Variants in ANKIB1 observed in about 807,000 individuals in gnomAD.
ANKIB1 encodes ankyrin repeat and IBR domain containing 1, also known as ankyrin repeat and IBR domain-containing protein 1.
ANKIB1 carries 43 observed loss-of-function variants against 122.1 expected under a neutral mutation model. That is an observed-to-expected ratio of 0.35 (90% CI 0.28 to 0.45). The LOEUF (loss-of-function observed/expected upper bound fraction) is 0.45. Ranked by LOEUF, ANKIB1 falls within the 20% of genes least tolerant of loss-of-function variation. The pLI is 1.00. For missense variants in ANKIB1, 992 were observed against 1,329.5 expected (o/e 0.75, Z 3.95); for synonymous variants, 390 against 442.0 (o/e 0.88, Z 1.48).
At chr7:92,294,214 C>G (rs1055255587) in intron 1 of ANKIB1, among the ~76,000 whole-genome samples, 1 of 152,154 alleles carries the variant, frequency 6.6e-6, no homozygotes, top group Non-Finnish European at 1.5e-5. Context: ...ACATAGTATG[C>G]ATAAACATTT....
At chr7:92,266,346 A>C (rs1024502796) in intron 1 of ANKIB1, among the ~76,000 whole-genome samples, 2 of 152,176 alleles carry the variant, frequency 1.3e-5, no homozygotes, top group African/African-American at 4.8e-5. Flanking sequence ...ATAACAGGAG[A>C]TTACCTACTG....
chr7:92,366,123 T>C (rs1029572809), intron 10 of ANKIB1, among the ~76,000 whole-genome samples: 12 of 152,114 alleles, frequency 7.9e-5, no homozygotes, highest in Non-Finnish European at 1.8e-4. Flanking sequence ...CCTAAAAGAT[T>C]TAATACACCA....
intron 1 of ANKIB1, among the ~76,000 whole-genome samples, chr7:92,285,394 T>C (rs1200412439): frequency 6.6e-6 from 1 of 152,240 alleles, no homozygotes; most frequent in African/African-American, 2.4e-5. Context: ...TATAAACATT[T>C]TTCATATAGA....
intron 11 of ANKIB1, among the ~76,000 whole-genome samples, chr7:92,383,472 C>T (rs1332013417): frequency 6.6e-6 from 1 of 152,192 alleles, no homozygotes; most frequent in African/African-American, 2.4e-5. Flanking sequence ...CCCTGATGAA[C>T]ATTGATGCAA....
chr7:92,315,101 A>G (rs1802768124), intron 3 of ANKIB1, among the ~76,000 whole-genome samples: 1 of 152,204 alleles, frequency 6.6e-6, no homozygotes, highest in Admixed American at 6.5e-5. Flanking sequence ...TACATTCTCT[A>G]TACCTGCTAT....
chr7:92,256,947 T>C (rs1312402858), intron 1 of ANKIB1, among the ~76,000 whole-genome samples: 1 of 152,182 alleles, frequency 6.6e-6, no homozygotes. Flanking sequence ...CCTGGCACTT[T>C]GAGAGGCCGA....
intron 1 of ANKIB1, among the ~76,000 whole-genome samples, chr7:92,257,499 A>C (rs951135369): frequency 2.6e-5 from 4 of 152,224 alleles, no homozygotes; most frequent in African/African-American, 9.7e-5. Context: ...TTATAAAAAT[A>C]AAGATTACTG....
intron 14 of ANKIB1, among the ~76,000 whole-genome samples, chr7:92,389,719 T>C (rs1377461249): frequency 2.0e-5 from 3 of 152,292 alleles, no homozygotes; most frequent in Non-Finnish European, 2.9e-5. Flanking sequence ...GTGCATTCCT[T>C]TATGACTACC....
intron 7 of ANKIB1, chr7:92,348,121 C>G (rs1803579672): frequency 3.2e-6 from 1 of 313,864 alleles, no homozygotes; most frequent in South Asian, 2.8e-5. Context: ...AATAATATGG[C>G]CAACAGAACT....
At chr7:92,260,963 G>A (rs891962908) in intron 1 of ANKIB1, among the ~76,000 whole-genome samples, 3 of 152,080 alleles carry the variant, frequency 2.0e-5, no homozygotes, top group African/African-American at 4.8e-5. Context: ...TAACTCTAGC[G>A]TAGACTACCA....
intron 1 of ANKIB1, among the ~76,000 whole-genome samples, chr7:92,289,318 A>G (rs1157735637): frequency 6.6e-6 from 1 of 152,230 alleles, no homozygotes; most frequent in Non-Finnish European, 1.5e-5. Flanking sequence ...TACAGTGTTC[A>G]TCTGTGTATC....
At chr7:92,276,198 T>G (rs1207412540) in intron 1 of ANKIB1, among the ~76,000 whole-genome samples, 1 of 152,178 alleles carries the variant, frequency 6.6e-6, no homozygotes, top group Non-Finnish European at 1.5e-5. Flanking sequence ...CAAGGCATAT[T>G]TATTTTCAAC....
At chr7:92,337,326 G>A (rs1803310455) in intron 5 of ANKIB1, among the ~76,000 whole-genome samples, 1 of 152,114 alleles carries the variant, frequency 6.6e-6, no homozygotes, top group African/African-American at 2.4e-5. Flanking sequence ...TAGGCTATTG[G>A]TTTGAAAGAG....
chr7:92,380,379 G>A (rs1024021695), intron 11 of ANKIB1, among the ~76,000 whole-genome samples: 4 of 152,206 alleles, frequency 2.6e-5, no homozygotes, highest in Non-Finnish European at 5.9e-5. Context: ...GAAGAGAGCA[G>A]TGGTTCTCCC....
At chr7:92,296,567 G>A (rs1036323952) in intron 2 of ANKIB1, among the ~76,000 whole-genome samples, 3 of 152,032 alleles carry the variant, frequency 2.0e-5, no homozygotes, top group African/African-American at 7.2e-5. Flanking sequence ...TAACCCATGG[G>A]AACCTCTCTC....
At chr7:92,361,734 T>C (rs1037579267) in intron 9 of ANKIB1, among the ~76,000 whole-genome samples, 10 of 152,168 alleles carry the variant, frequency 6.6e-5, no homozygotes, top group African/African-American at 2.4e-4. Context: ...AGTGCCTCCA[T>C]TGAAATGCTC....
At chr7:92,360,591 T>C (rs1223588367) in intron 9 of ANKIB1, among the ~76,000 whole-genome samples, 2 of 152,220 alleles carry the variant, frequency 1.3e-5, no homozygotes. Context: ...AGTTCTCTCA[T>C]ACCTTAGAAT....
chr7:92,349,224 G>A (rs529747733), intron 7 of ANKIB1, among the ~76,000 whole-genome samples: 1 of 152,180 alleles, frequency 6.6e-6, no homozygotes, highest in African/African-American at 2.4e-5. Context: ...GGGGTTTAAA[G>A]AGAAAGCTCT....
rs542538859 is a variant in ANKIB1, at chr7:92,275,055, G to A, written c.-90-19834G>A. Reference sequence around the variant, plus strand: ...GTAGGCTGCTTTTTTTTCTTTCTTGGTTGTAGAATTAGGTTTGACCTTTGC... The same window carrying A: ...GTAGGCTGCTTTTTTTTCTTTCTTGATTGTAGAATTAGGTTTGACCTTTGC... On this transcript the variant is annotated intron_variant, in intron 1 of 19. Transcript: ENST00000265742. Among the ~76,000 whole-genome samples the A allele has an allele frequency of 1.6e-3, 241 of 152,040 alleles. 1 individual carries two copies. The highest frequency in any genetic ancestry group is 2.1e-3 in the Non-Finnish European group (145 of 67,972).
Sources: allele counts gnomAD v4.1 joint callset (sites outside exome capture counted in the v4.1 genomes callset), GRCh38; gene constraint gnomAD v4.1.1; transcripts MANE v1.5; gene names NCBI Gene and HGNC (gene_info 2026-07-23, HGNC 2026-07-21).